CRY1: variants seen among roughly 807,000 people sequenced by gnomAD.
The protein encoded by CRY1 is cryptochrome circadian regulator 1.
A neutral mutation model predicts 76.0 loss-of-function variants in CRY1; 45 were observed. The ratio of observed to expected loss-of-function variants is 0.59; its 90% CI spans 0.47 to 0.76. The LOEUF (loss-of-function observed/expected upper bound fraction) is 0.76. Ranked by LOEUF, CRY1 falls within the 30% of genes least tolerant of loss-of-function variation. CRY1 has a pLI of 0.00. For synonymous variants in CRY1, 248 were observed against 244.0 expected, an observed-to-expected ratio of 1.02 and a Z score of -0.15; for missense variants, 587 against 716.4, an observed-to-expected ratio of 0.82 and a Z score of 2.06.
At chr12:107,051,900 A>G (rs1256833274) in intron 1 of CRY1, among the ~76,000 whole-genome samples, 1 of 152,078 alleles carries the variant, frequency 6.6e-6, no homozygotes, top group Non-Finnish European at 1.5e-5. Context: ...TGGGGACTTT[A>G]GGAGACTTAT....
intron 6 of CRY1, 34 bp from the exon 7 acceptor site, chr12:106,999,896 T>C: frequency 6.3e-7 from 1 of 1,576,046 alleles, no homozygotes; most frequent in Non-Finnish European, 8.6e-7. Flanking sequence ...ATTATCAGAA[T>C]TTTTTTTTAA....
chr12:107,044,749 A>G (rs958249586), intron 1 of CRY1, among the ~76,000 whole-genome samples: 1 of 152,230 alleles, frequency 6.6e-6, no homozygotes, highest in Non-Finnish European at 1.5e-5. Context: ...TACATTAGAG[A>G]GCTTCAGCAG....
intron 1 of CRY1, among the ~76,000 whole-genome samples, chr12:107,037,588 G>A (rs577776354): frequency 4.6e-5 from 7 of 152,086 alleles, no homozygotes; most frequent in African/African-American, 9.7e-5. Context: ...ACATGTGTCC[G>A]TGTAAATCAT....
In CRY1 at chr12:107,092,986, AC is replaced by A. The variant is rs1163439736; in HGVS notation, c.-26del. 6.6e-7 allele frequency: 1 copy of A among 1,512,126 alleles called. No individual in the cohort carries two copies. Among genetic ancestry groups the A allele is most frequent in the Admixed American group, 2.3e-5 (1 of 43,958 alleles). The allele number at this position is 1,512,126 out of a possible 1,614,324, so 93.7% of individuals were successfully genotyped here. On this transcript the variant is annotated 5_prime_UTR_variant, in exon 1 of 13. Coordinates refer to ENST00000008527, the MANE Select transcript of CRY1 (RefSeq NM_004075.5). ...TGCCGGGGGGCGCGGCGGGTCCTCC[AC>A]GGAGAAATTCAAGGAAGGAGGCTCC...
At chr12:106,995,545 G>T (rs1952224730) in intron 10 of CRY1, among the ~76,000 whole-genome samples, 1 of 152,064 alleles carries the variant, frequency 6.6e-6, no homozygotes, top group Non-Finnish European at 1.5e-5. Flanking sequence ...GACATCTTAT[G>T]AAACTACAGT....
rs1375869491 is a variant in CRY1, at chr12:106,991,458, A to G, written c.*544T>C. On this transcript the variant is annotated 3_prime_UTR_variant, in exon 13 of 13. Coordinates refer to ENST00000008527, the MANE Select transcript of CRY1 (RefSeq NM_004075.5). Reference sequence around the variant, plus strand: ...GAACTTAACACATGATACTTCCACAAGTTTGGGTCTAAAAAGGTTTACATC... The same window carrying G: ...GAACTTAACACATGATACTTCCACAGGTTTGGGTCTAAAAAGGTTTACATC... The G allele has an allele frequency of 1.3e-5, 2 of 152,624 alleles. No homozygotes were observed. The highest frequency in any genetic ancestry group is 2.9e-5 in the Non-Finnish European group (2 of 68,032). The allele number at this position is 152,624 out of a possible 1,614,324, so 9.5% of individuals were successfully genotyped here. A position where few individuals can be genotyped will look rare whatever the true frequency, so the allele number is the denominator to read the frequency against.
chr12:107,021,871 A>G (rs781252240), intron 2 of CRY1, among the ~76,000 whole-genome samples: 4 of 152,192 alleles, frequency 2.6e-5, no homozygotes, highest in Non-Finnish European at 5.9e-5. Flanking sequence ...TTAAGGTAGA[A>G]GAAAGATTGA....
intron 1 of CRY1, chr12:107,050,080 TG>T (rs1383025092): frequency 6.6e-6 from 1 of 151,378 alleles, no homozygotes; most frequent in Non-Finnish European, 1.5e-5. Flanking sequence ...AAAGACAAAG[TG>T]GGGGAGACAC....
chr12:107,070,383 T>G (rs1017712308), intron 1 of CRY1, among the ~76,000 whole-genome samples: 1 of 152,164 alleles, frequency 6.6e-6, no homozygotes, highest in South Asian at 2.1e-4. Context: ...CACAATAGCA[T>G]TTATGTAAGT....
intron 1 of CRY1, among the ~76,000 whole-genome samples, chr12:107,086,067 C>T (rs1953397113): frequency 6.6e-6 from 1 of 152,034 alleles, no homozygotes; most frequent in Non-Finnish European, 1.5e-5. Context: ...TGCTTGTTAA[C>T]AAAAAACTTG....
chr12:106,998,558 A>G (rs1271427867), intron 7 of CRY1, among the ~76,000 whole-genome samples: 1 of 152,142 alleles, frequency 6.6e-6, no homozygotes, highest in South Asian at 2.1e-4. Context: ...CCTTGATCAG[A>G]AAGAAAATAG....
intron 1 of CRY1, among the ~76,000 whole-genome samples, chr12:107,036,196 G>T (rs545993097): frequency 6.6e-6 from 1 of 152,130 alleles, no homozygotes; most frequent in Non-Finnish European, 1.5e-5. Context: ...ACACGGCCTC[G>T]CCAGACTGCA....
intron 2 of CRY1, among the ~76,000 whole-genome samples, chr12:107,007,555 G>C (rs568697283): frequency 1.3e-5 from 2 of 149,978 alleles, no homozygotes; most frequent in Admixed American, 6.6e-5. Flanking sequence ...TAAGAGTTAG[G>C]CTCCCACTCT....
chr12:107,084,036 C>A (rs1185258159), intron 1 of CRY1, among the ~76,000 whole-genome samples: 1 of 151,876 alleles, frequency 6.6e-6, no homozygotes, highest in Non-Finnish European at 1.5e-5. Flanking sequence ...CATTCCTATA[C>A]ACCAATAATA....
intron 2 of CRY1, among the ~76,000 whole-genome samples, chr12:107,009,671 A>C (rs1323383892): frequency 2.0e-5 from 3 of 148,222 alleles, no homozygotes; most frequent in African/African-American, 7.4e-5. Context: ...CACTTTGGGA[A>C]GTCAACATGG....
At chr12:107,051,122 C>A (rs1311220635) in intron 1 of CRY1, among the ~76,000 whole-genome samples, 2 of 152,146 alleles carry the variant, frequency 1.3e-5, no homozygotes, top group African/African-American at 2.4e-5. Flanking sequence ...AAACAAATTT[C>A]AATTACATGC....
At chr12:107,055,707 A>G (rs1952974631) in intron 1 of CRY1, among the ~76,000 whole-genome samples, 1 of 152,044 alleles carries the variant, frequency 6.6e-6, no homozygotes, top group African/African-American at 2.4e-5. Flanking sequence ...GACACAAATA[A>G]GCAATATCAA....
chr12:107,056,242 C>T (rs1457763118), intron 1 of CRY1, among the ~76,000 whole-genome samples: 3 of 152,178 alleles, frequency 2.0e-5, no homozygotes, highest in African/African-American at 7.2e-5. Flanking sequence ...AGACGTGAAC[C>T]AGAAACAAAA....
chr12:107,076,795 T>C (rs971499205), intron 1 of CRY1, among the ~76,000 whole-genome samples: 2 of 152,120 alleles, frequency 1.3e-5, no homozygotes, highest in Non-Finnish European at 2.9e-5. Flanking sequence ...GTTTCTCGAA[T>C]TATTTAGCAT....
Sources: allele counts gnomAD v4.1 joint callset (sites outside exome capture counted in the v4.1 genomes callset), GRCh38; gene constraint gnomAD v4.1.1; transcripts MANE v1.5; gene names NCBI Gene and HGNC (gene_info 2026-07-23, HGNC 2026-07-21).